Variants in CCDC171 observed in about 807,000 individuals in gnomAD.
CCDC171 encodes coiled-coil domain-containing protein 171.
Under a neutral mutation model 168.2 loss-of-function variants are expected in CCDC171, and 177 were observed. That is an observed-to-expected ratio of 1.05 (90% confidence interval 0.93 to 1.19). The LOEUF is 1.19. CCDC171 is among the 50% of genes most tolerant of loss of function. The pLI, the probability that CCDC171 is intolerant of heterozygous loss-of-function variation, is 0.00. For synonymous variants in CCDC171, 687 were observed against 540.8 expected (o/e 1.27, Z -3.75); for missense variants, 1,991 against 1,539.0 (o/e 1.29, Z -4.91).
At chr9:15,824,428 G>T (rs993114793) in intron 21 of CCDC171, among the ~76,000 whole-genome samples, 2 of 151,908 alleles carry the variant, frequency 1.3e-5, no homozygotes, top group Non-Finnish European at 2.9e-5. Context: ...TTTGGGTGTG[G>T]TTTTTGTCAT....
intron 6 of CCDC171, among the ~76,000 whole-genome samples, chr9:15,621,786 C>A (rs750169783): frequency 1.1e-4 from 16 of 152,096 alleles, no homozygotes; most frequent in Admixed American, 7.9e-4. Flanking sequence ...TGGGTATATA[C>A]TCAAAGGAAT....
chr9:16,050,407 A>G (rs765810297), intron 1 of CCDC171, among the ~76,000 whole-genome samples: 4 of 152,310 alleles, frequency 2.6e-5, no homozygotes, highest in Admixed American at 6.5e-5. Context: ...CTGTCCAAAT[A>G]CAAATACAAT....
At chr9:15,603,243 C>T (rs2042991919) in intron 6 of CCDC171, among the ~76,000 whole-genome samples, 1 of 152,186 alleles carries the variant, frequency 6.6e-6, no homozygotes, top group African/African-American at 2.4e-5. Flanking sequence ...CTCAGCCTCC[C>T]AGAGTGCTGG....
chr9:15,676,948 T>A (rs2049619000), intron 9 of CCDC171, among the ~76,000 whole-genome samples: 1 of 152,124 alleles, frequency 6.6e-6, no homozygotes, highest in Non-Finnish European at 1.5e-5. Context: ...TTATACATGA[T>A]AAAATAATAA....
chr9:15,630,836 G>A (rs2132273902), intron 7 of CCDC171, among the ~76,000 whole-genome samples: 1 of 152,308 alleles, frequency 6.6e-6, no homozygotes, highest in East Asian at 1.9e-4. Flanking sequence ...AGACCACAGT[G>A]CAATCAAACT....
chr9:15,744,071 A>C (rs558684502), intron 16 of CCDC171, among the ~76,000 whole-genome samples: 20 of 152,352 alleles, frequency 1.3e-4, no homozygotes, highest in African/African-American at 4.8e-4. Flanking sequence ...GGATTTAAAA[A>C]TCAATGTGCA....
At chr9:15,615,978 T>TC (rs974628552) in intron 6 of CCDC171, among the ~76,000 whole-genome samples, 6 of 152,078 alleles carry the variant, frequency 3.9e-5, no homozygotes, top group African/African-American at 1.4e-4. Context: ...TGAGATGGAG[T>TC]CTCGCTCTGT....
intron 6 of CCDC171, among the ~76,000 whole-genome samples, chr9:15,617,142 T>C (rs1276588330): frequency 1.3e-5 from 2 of 152,232 alleles, no homozygotes; most frequent in Admixed American, 6.5e-5. Flanking sequence ...AACATGCTCC[T>C]TTAGCTCAGA....
chr9:15,778,905 G>A, intron 19 of CCDC171, 63 bp from the exon 20 acceptor site: 3 of 1,140,392 alleles, frequency 2.6e-6, no homozygotes, highest in Admixed American at 3.0e-5. Flanking sequence ...TAGTAAAATG[G>A]TTATTGCTAT....
At chr9:16,045,327 CT>C (rs1833644191) in intron 1 of CCDC171, among the ~76,000 whole-genome samples, 1 of 152,192 alleles carries the variant, frequency 6.6e-6, no homozygotes, top group South Asian at 2.1e-4. Context: ...ACAACTGGAT[CT>C]TAACACAGCC....
At chr9:16,045,856 C>T (rs760651875) in intron 1 of CCDC171, among the ~76,000 whole-genome samples, 20 of 152,310 alleles carry the variant, frequency 1.3e-4, no homozygotes, top group Admixed American at 5.9e-4. Flanking sequence ...CCCATAAAAT[C>T]CTCTCTAAGA....
intron 21 of CCDC171, among the ~76,000 whole-genome samples, chr9:15,809,315 A>C (rs1440598658): frequency 6.6e-6 from 1 of 152,184 alleles, no homozygotes; most frequent in Non-Finnish European, 1.5e-5. Flanking sequence ...ACCACTAGCC[A>C]CGTGTGGCTA....
chr9:15,927,884 G>T (rs149116061), intron 25 of CCDC171, among the ~76,000 whole-genome samples: 204 of 151,812 alleles, frequency 1.3e-3, no homozygotes, highest in African/African-American at 4.7e-3. Context: ...CAGGTAAGTT[G>T]CTTCCACAAA....
chr9:15,907,637 C>G (rs1181428922), intron 24 of CCDC171, among the ~76,000 whole-genome samples: 1 of 152,156 alleles, frequency 6.6e-6, no homozygotes, highest in African/African-American at 2.4e-5. Context: ...GCAATGGCAA[C>G]AAAAGCCAAA....
chr9:15,570,885 C>T lies in CCDC171; in HGVS notation c.42-739C>T, dbSNP rs1009668960. Among the ~76,000 whole-genome samples the T allele has an allele frequency of 5.3e-5, 8 of 152,318 alleles. No individual in the cohort carries two copies. The South Asian group carries it at 6.2e-4, about 12-fold the overall frequency. ...ATCCAGAGACCGTCTGTTTTATCCTCTCCAGGGAATAAACCCCTAGTGTTT... is the reference window on the plus strand; with the variant it reads ...ATCCAGAGACCGTCTGTTTTATCCTTTCCAGGGAATAAACCCCTAGTGTTT... On this transcript the variant is annotated intron_variant, in intron 2 of 25. Transcript: ENST00000380701.
intron 11 of CCDC171, among the ~76,000 whole-genome samples, chr9:15,700,558 G>A (rs1361493201): frequency 6.6e-6 from 1 of 152,384 alleles, no homozygotes; most frequent in Admixed American, 6.5e-5. Context: ...AGGAGGCGCC[G>A]AGAGCAAGCG....
At position 15,642,343 on chromosome 9, in the gene CCDC171, G is replaced by GTGTATATATA. The variant is rs1369419679; in HGVS notation, c.823-14783_823-14782insGTATATATAT. Reference sequence around the variant, plus strand: ...TATATATATATACACGTGTGTGTGTGTATATATATATATATATATATATAT... The same window carrying GTGTATATATA: ...TATATATATATACACGTGTGTGTGTGTGTATATATATATATATATATATATATATATATAT... On this transcript the variant is annotated intron_variant, in intron 7 of 25. Coordinates refer to ENST00000380701, the MANE Select transcript of CCDC171 (RefSeq NM_173550.4). Among the ~76,000 whole-genome samples, 237 of 107,142 alleles carry GTGTATATATA rather than the reference G, an allele frequency of 2.2e-3. 2 individuals carry two copies. Among genetic ancestry groups the GTGTATATATA allele is most frequent in the African/African-American group, 4.3e-3 (84 of 19,718 alleles). 70.3% of individuals were successfully genotyped at this position (107,142 alleles called of 152,430 possible).
intron 10 of CCDC171, among the ~76,000 whole-genome samples, chr9:15,692,559 A>C (rs1333898473): frequency 2.0e-5 from 3 of 146,886 alleles, no homozygotes; most frequent in Admixed American, 1.4e-4. Context: ...ACAGAGTCTC[A>C]CTCTTTTTCC....
intron 21 of CCDC171, among the ~76,000 whole-genome samples, chr9:15,846,138 A>C (rs1177093340): frequency 6.6e-6 from 1 of 152,080 alleles, no homozygotes; most frequent in Non-Finnish European, 1.5e-5. Flanking sequence ...ACTGGGAAGC[A>C]AGTAGATTTT....
Sources: allele counts gnomAD v4.1 joint callset (sites outside exome capture counted in the v4.1 genomes callset), GRCh38; gene constraint gnomAD v4.1.1; transcripts MANE v1.5; gene names NCBI Gene and HGNC (gene_info 2026-07-23, HGNC 2026-07-21).